BSCL2: variants seen among roughly 807,000 people sequenced by gnomAD.
BSCL2 encodes the protein seipin.
Under a neutral mutation model 57.4 loss-of-function variants are expected in BSCL2, and 41 were observed. The ratio of observed to expected loss-of-function variants is 0.71; its 90% CI spans 0.56 to 0.93. BSCL2 has a LOEUF of 0.93. Among genes scored for constraint, BSCL2 ranks in the 40% least tolerant of loss-of-function variants. BSCL2 has a pLI of 0.00. For missense variants in BSCL2, 539 were observed against 586.7 expected (o/e 0.92, Z 0.84); for synonymous variants, 237 against 227.3 (o/e 1.04, Z -0.38).
chr11:62,698,607 G>C (rs944004775), intron 3 of BSCL2, among the ~76,000 whole-genome samples: 5 of 152,198 alleles, frequency 3.3e-5, no homozygotes, highest in East Asian at 1.9e-4. Context: ...TCTACTTATA[G>C]CAAGCCGTTA....
At chr11:62,706,357 G>A in intron 1 of BSCL2, 1 of 1,073,334 alleles carries the variant, frequency 9.3e-7, no homozygotes, top group Non-Finnish European at 1.2e-6. Flanking sequence ...CGTGGGAGGC[G>A]GGGCTTCAGC....
chr11:62,701,622 G>C (rs887361496), intron 3 of BSCL2, among the ~76,000 whole-genome samples: 2 of 152,128 alleles, frequency 1.3e-5, no homozygotes, highest in African/African-American at 4.8e-5. Flanking sequence ...ACAAGGTCAA[G>C]AGATCCAGAC....
chr11:62,706,374 C>CG, intron 1 of BSCL2: 2 of 1,009,084 alleles, frequency 2.0e-6, no homozygotes, highest in Non-Finnish European at 2.5e-6. Context: ...CAGCCCAGGG[C>CG]GGGGTCCAGC....
Position 62,707,255 on chromosome 11 carries a change from T to C in BSCL2, c.-60A>G, listed in dbSNP as rs780285917. 5.6e-6 allele frequency: 8 copies of C among 1,434,398 alleles called. No individual in the cohort carries two copies. Among genetic ancestry groups the C allele is most frequent in the Non-Finnish European group, 6.7e-6 (7 of 1,040,162 alleles). 88.9% of individuals were successfully genotyped at this position (1,434,398 alleles called of 1,614,324 possible). ...CACTGAGTCACTTGTGGCTAAAACG[T>C]GAAGTGGCGATCCAGACGCTGATAC... On this transcript the variant is annotated 5_prime_UTR_variant, in exon 1 of 11. Coordinates refer to ENST00000360796, the MANE Select transcript of BSCL2 (RefSeq NM_001122955.4).
intron 1 of BSCL2, chr11:62,706,388 GCGGGGCGGGGCGGGA>G: frequency 1.2e-6 from 1 of 839,778 alleles, no homozygotes; most frequent in South Asian, 1.8e-5. Context: ...GTCCAGCACG[GCGGGGCGGGGCGGGA>G]CGGGGCGGAG....
At chr11:62,705,879 G>C in intron 1 of BSCL2, 1 of 498,402 alleles carries the variant, frequency 2.0e-6, no homozygotes, top group Non-Finnish European at 3.6e-6. Flanking sequence ...AAACCACCTT[G>C]ATTCTCATTC....
chr11:62,705,766 C>G (rs1409363067), intron 1 of BSCL2, 149 bp from the exon 2 acceptor site: 2 of 791,144 alleles, frequency 2.5e-6, no homozygotes, highest in Non-Finnish European at 3.9e-6. Flanking sequence ...AATGATTGTG[C>G]CACTCTGCCA....
chr11:62,706,112 C>G lies in BSCL2; in HGVS notation c.88-495G>C, dbSNP rs1027781198. On this transcript the variant is annotated intron_variant, in intron 1 of 10. Coordinates refer to ENST00000360796, the MANE Select transcript of BSCL2 (RefSeq NM_001122955.4). ...GAGCTCGCTCACCGACACGGCTACA[C>G]CCCACGCCCGGCGGAGCGCCCTGCA... 49 of 656,884 alleles carry G rather than the reference C, an allele frequency of 7.5e-5. 1 individual carries two copies. The highest frequency in any genetic ancestry group is 2.0e-5 in the African/African-American group (1 of 49,932). The allele number at this position is 656,884 out of a possible 1,614,324, so 40.7% of individuals were successfully genotyped here.
intron 3 of BSCL2, 26 bp from the exon 4 acceptor site, chr11:62,694,737 TA>T: frequency 1.9e-6 from 3 of 1,611,330 alleles, no homozygotes; most frequent in Non-Finnish European, 2.5e-6. Flanking sequence ...CCCATTTCTT[TA>T]AAAAAATTTT....
In BSCL2 at chr11:62,692,285, T is replaced by G. The variant is rs1035417089; in HGVS notation, c.863+91A>C. The G allele has an allele frequency of 2.8e-5, 38 of 1,354,248 alleles. 1 individual carries two copies. Among genetic ancestry groups the G allele is most frequent in the Non-Finnish European group, 3.2e-5 (31 of 958,232 alleles). The allele number at this position is 1,354,248 out of a possible 1,614,324, so 83.9% of individuals were successfully genotyped here. A position where few individuals can be genotyped will look rare whatever the true frequency, so the allele number is the denominator to read the frequency against. ...TGTGAAACCCAAGTCAGCTCTGCTC[T>G]GTAAACCCATTACCTCTGCTTGGGA... On this transcript the variant is annotated intron_variant, in intron 6 of 10. Coordinates refer to ENST00000360796, the MANE Select transcript of BSCL2 (RefSeq NM_001122955.4).
Position 62,691,093 on chromosome 11 carries a change from T to C in BSCL2, c.1054A>G (p.Ile352Val), listed in dbSNP as rs775718358. The change falls in exon 8 of 11, where the codon ATC (isoleucine) becomes GTC (valine). Residue 352 changes from isoleucine (I) to valine (V), a missense_variant. Transcript: ENST00000360796. ...DNSRKEVQRRISAHQPGPEGQ... is the reference protein window; with the variant it reads ...DNSRKEVQRRVSAHQPGPEGQ... ...CCTTTACCTGGCTGATGAGCAGAGA[T>C]CCTTCGTTGGACTTCCTTCCGGGAA... The C allele has an allele frequency of 1.9e-6, 3 of 1,614,206 alleles. No homozygotes were observed. The South Asian group carries it at 3.3e-5, about 18-fold the overall frequency.
chr11:62,704,757 A>C (rs1304980088), intron 2 of BSCL2, among the ~76,000 whole-genome samples: 3 of 152,122 alleles, frequency 2.0e-5, no homozygotes, highest in African/African-American at 7.2e-5. Flanking sequence ...AAAAAGAGAG[A>C]ATTTGGCACT....
At chr11:62,702,015 A>G (rs1945658084) in intron 3 of BSCL2, among the ~76,000 whole-genome samples, 1 of 152,046 alleles carries the variant, frequency 6.6e-6, no homozygotes, top group African/African-American at 2.4e-5. Flanking sequence ...AGAAAGATCC[A>G]TCAATACACA....
In BSCL2 at chr11:62,694,651, C is replaced by T. The variant is rs768008962; in HGVS notation, c.547G>A (p.Val183Met). ...TLELELPESP[V>M]NQDLGMFLVT... ...AAGAACATGCCCAAATCTTGATTCA[C>T]AGGGGACTCTGGCAGCTCAAGCTCT... The change falls in exon 4 of 11, where the codon GTG (valine) becomes ATG (methionine). Residue 183 changes from valine (V) to methionine (M), a missense_variant. Transcript: ENST00000360796. The T allele has an allele frequency of 6.8e-6, 11 of 1,614,172 alleles. No homozygotes were observed. Among genetic ancestry groups the T allele is most frequent in the Non-Finnish European group, 8.5e-6 (10 of 1,180,036 alleles).
intron 3 of BSCL2, chr11:62,697,605 G>A (rs190493833): frequency 6.6e-5 from 10 of 151,436 alleles, no homozygotes. Context: ...GGTCAACGTG[G>A]TGAAACCCCG....
chr11:62,709,435 G>A (rs1480549368), upstream of BSCL2: 3 of 453,988 alleles, frequency 6.6e-6, no homozygotes, highest in South Asian at 1.6e-5. Flanking sequence ...ACGAAGCCAA[G>A]TTAAAAGGTA....
intron 4 of BSCL2, 124 bp downstream of exon 4, chr11:62,694,444 A>T (rs951977651): frequency 1.4e-6 from 2 of 1,427,710 alleles, no homozygotes; most frequent in African/African-American, 1.4e-5. Flanking sequence ...GGCTCAAGCG[A>T]TCTGCCTGCC....
intron 1 of BSCL2, 115 bp downstream of exon 1, chr11:62,706,994 G>A: frequency 1.1e-6 from 1 of 905,476 alleles, no homozygotes; most frequent in Non-Finnish European, 1.7e-6. Context: ...GGCGTGGGAA[G>A]TAATCTATTC....
At chr11:62,704,522 G>C (rs2134737332) in intron 2 of BSCL2, among the ~76,000 whole-genome samples, 1 of 152,194 alleles carries the variant, frequency 6.6e-6, no homozygotes, top group African/African-American at 2.4e-5. Flanking sequence ...CTCCAGCCTG[G>C]GCGACAGAGC....
Sources: allele counts gnomAD v4.1 joint callset (sites outside exome capture counted in the v4.1 genomes callset), GRCh38; gene constraint gnomAD v4.1.1; transcripts MANE v1.5; gene names NCBI Gene and HGNC (gene_info 2026-07-23, HGNC 2026-07-21).